The following PHF24 variants were observed in gnomAD, a reference collection of about 807,000 sequenced individuals.
The protein encoded by PHF24 is PHD finger protein 24, also known as Galpha inhibitory interacting protein.
PHF24 carries 25 observed loss-of-function variants against 42.6 expected under a neutral mutation model. The ratio of observed to expected loss-of-function variants is 0.59; its 90% confidence interval spans 0.43 to 0.82. PHF24 has a LOEUF of 0.82. Among genes scored for constraint, PHF24 ranks in the 40% least tolerant of loss-of-function variants. The pLI is 0.00. For synonymous variants in PHF24, 185 were observed against 204.8 expected, an observed-to-expected ratio of 0.90 and a Z score of 0.83; for missense variants, 470 against 538.1, an observed-to-expected ratio of 0.87 and a Z score of 1.25.
the PHF24 span, chr9:34,727,028 A>T: frequency 6.5e-7 from 1 of 1,527,180 alleles, no homozygotes; most frequent in Non-Finnish European, 8.8e-7. Flanking sequence ...ATGGAGTGAC[A>T]TCTGCCTTCT....
At chr9:34,836,653 A>G in the PHF24 span, among the ~76,000 whole-genome samples, 1 of 152,288 alleles carries the variant, frequency 6.6e-6, no homozygotes, top group Non-Finnish European at 1.5e-5. Context: ...TGAATACAGA[A>G]CTAAAGGAAG....
chr9:34,818,673 A>T, the PHF24 span, among the ~76,000 whole-genome samples: 1 of 152,082 alleles, frequency 6.6e-6, no homozygotes, highest in African/African-American at 2.4e-5. Context: ...AACAGTACTC[A>T]CTTTGCCCAG....
chr9:34,816,579 T>C, the PHF24 span, among the ~76,000 whole-genome samples: 7 of 152,156 alleles, frequency 4.6e-5, no homozygotes, highest in Non-Finnish European at 1.0e-4. Context: ...GATAGTGCCT[T>C]CTCGCTGTGT....
chr9:34,812,543 A>G, the PHF24 span, among the ~76,000 whole-genome samples: 3 of 152,188 alleles, frequency 2.0e-5, no homozygotes, highest in Non-Finnish European at 2.9e-5. Flanking sequence ...TATTTATTGT[A>G]TTGGTTACAT....
At chr9:34,820,345 G>A in the PHF24 span, among the ~76,000 whole-genome samples, 48 of 152,088 alleles carry the variant, frequency 3.2e-4, 1 homozygote, top group South Asian at 8.9e-3. Flanking sequence ...GGTAATAAAC[G>A]TAGTACTGAT....
the PHF24 span, chr9:34,724,198 G>A: frequency 6.4e-7 from 1 of 1,551,390 alleles, no homozygotes; most frequent in Non-Finnish European, 8.7e-7. Flanking sequence ...TGTTCACATT[G>A]GCCTCTACCT....
chr9:34,976,589 G>C lies in PHF24; in HGVS notation c.698G>C (p.Arg233Pro), dbSNP rs1015605624. 12 of 1,613,996 alleles carry C rather than the reference G, an allele frequency of 7.4e-6. No individual in the cohort carries two copies. The African/African-American group carries it at 1.2e-4, about 16-fold the overall frequency. ...CGTTACCGCCACCAAGCAGCCAAGC[G>C]GGGGGACCGTGACAGGGCCCTGAGT... Residue 233 changes from arginine to proline, a missense_variant, in exon 5 of 8, where the codon CGG becomes CCG. Coordinates refer to ENST00000242315, the Ensembl canonical transcript of PHF24.
chr9:34,802,261 T>C, the PHF24 span, among the ~76,000 whole-genome samples: 4 of 152,286 alleles, frequency 2.6e-5, 1 homozygote, highest in South Asian at 4.1e-4. Flanking sequence ...CTGCCAATTA[T>C]AGTACCCCAC....
the PHF24 span, among the ~76,000 whole-genome samples, chr9:34,744,939 T>G: frequency 6.6e-6 from 1 of 152,146 alleles, no homozygotes; most frequent in African/African-American, 2.4e-5. Context: ...AGACAGGTGT[T>G]GAACAGGAAG....
chr9:34,928,029 AAC>A, the PHF24 span, among the ~76,000 whole-genome samples: 1 of 152,146 alleles, frequency 6.6e-6, no homozygotes, highest in Non-Finnish European at 1.5e-5. Context: ...CTGCCTGGCC[AAC>A]ATGGTGAAAC....
the PHF24 span, among the ~76,000 whole-genome samples, chr9:34,847,778 A>G: frequency 6.6e-6 from 1 of 152,254 alleles, no homozygotes; most frequent in South Asian, 2.1e-4. Context: ...AAGTCCCATC[A>G]ATACCTAATT....
At chr9:34,806,270 G>T in the PHF24 span, among the ~76,000 whole-genome samples, 1 of 151,850 alleles carries the variant, frequency 6.6e-6, no homozygotes, top group African/African-American at 2.4e-5. Flanking sequence ...CTGGGATTCT[G>T]GGAGGCATTG....
chr9:34,720,021 G>A, the PHF24 span, among the ~76,000 whole-genome samples: 2 of 152,124 alleles, frequency 1.3e-5, no homozygotes, highest in African/African-American at 4.8e-5. Flanking sequence ...TCCAAGCAGT[G>A]GACACATTGT....
the PHF24 span, chr9:34,917,176 T>C: frequency 7.1e-6 from 10 of 1,414,062 alleles, no homozygotes; most frequent in South Asian, 2.3e-5. Context: ...CCTTCCACCA[T>C]GACCACCTCA....
the PHF24 span, among the ~76,000 whole-genome samples, chr9:34,774,885 A>G: frequency 1.6e-4 from 24 of 152,324 alleles, no homozygotes; most frequent in African/African-American, 5.8e-4. Context: ...ACCCACTAGG[A>G]TGGCTAATAT....
chr9:34,973,603 C>G (rs116948361), intron 3 of PHF24, among the ~76,000 whole-genome samples: 4,153 of 152,290 alleles, frequency 0.027, 82 homozygotes, highest in Middle Eastern at 0.051. Context: ...GCTGATCCCC[C>G]CTTCTTCCTG....
the PHF24 span, among the ~76,000 whole-genome samples, chr9:34,876,186 C>G: frequency 6.6e-6 from 1 of 152,190 alleles, no homozygotes; most frequent in Non-Finnish European, 1.5e-5. Context: ...TATATCCACA[C>G]AAAAACCTGC....
chr9:34,929,556 G>A, the PHF24 span, among the ~76,000 whole-genome samples: 20 of 152,186 alleles, frequency 1.3e-4, no homozygotes, highest in African/African-American at 4.8e-4. Flanking sequence ...AATGAATGAT[G>A]AGTGATCTTA....
chr9:34,882,655 A>G, the PHF24 span, among the ~76,000 whole-genome samples: 1 of 152,142 alleles, frequency 6.6e-6, no homozygotes, highest in Non-Finnish European at 1.5e-5. Flanking sequence ...CTAACTTATA[A>G]GAGATGTGAA....
Sources: allele counts gnomAD v4.1 joint callset (sites outside exome capture counted in the v4.1 genomes callset), GRCh38; gene constraint gnomAD v4.1.1; transcripts MANE v1.5; gene names NCBI Gene and HGNC (gene_info 2026-07-23, HGNC 2026-07-21).